SPATA17: variants seen among roughly 807,000 people sequenced by gnomAD.
SPATA17 encodes the protein spermatogenesis-associated protein 17.
A neutral mutation model predicts 62.2 loss-of-function variants in SPATA17; 53 were observed. The observed-to-expected ratio is 0.85, with a 90% confidence interval of 0.68 to 1.07. The LOEUF is 1.07. SPATA17 is among the 50% of genes least tolerant of loss of function. SPATA17 has a pLI of 0.00. For missense variants in SPATA17, 466 were observed against 425.5 expected (o/e 1.10, Z -0.84); for synonymous variants, 146 against 146.8 (o/e 0.99, Z 0.04).
intron 5 of SPATA17, among the ~76,000 whole-genome samples, chr1:217,704,230 CTTT>C (rs560591615): frequency 9.6e-5 from 4 of 41,692 alleles, no homozygotes; most frequent in Admixed American, 4.1e-4. Context: ...TTCCCTCTAC[CTTT>C]TTTTTTTTTT....
intron 8 of SPATA17, among the ~76,000 whole-genome samples, chr1:217,798,801 G>A (rs907290512): frequency 1.5e-5 from 2 of 130,392 alleles, no homozygotes; most frequent in Middle Eastern, 3.9e-3. Flanking sequence ...AAGACAATAC[G>A]AAACTGCTGA....
chr1:217,807,592 G>C (rs534028025), intron 9 of SPATA17, among the ~76,000 whole-genome samples: 1 of 151,904 alleles, frequency 6.6e-6, no homozygotes, highest in Non-Finnish European at 1.5e-5. Flanking sequence ...TTTTGGCTTA[G>C]AGTAAAACTT....
intron 10 of SPATA17, among the ~76,000 whole-genome samples, chr1:217,863,657 G>A (rs1448743532): frequency 6.6e-6 from 1 of 152,072 alleles, no homozygotes. Context: ...TAAGAATAAA[G>A]AGAACCATAT....
chr1:217,642,258 G>A (rs2102877805), intron 1 of SPATA17, among the ~76,000 whole-genome samples: 1 of 152,174 alleles, frequency 6.6e-6, no homozygotes. Context: ...TTTTTAAAAA[G>A]CAGATCATTT....
intron 5 of SPATA17, among the ~76,000 whole-genome samples, chr1:217,733,976 G>A (rs553167097): frequency 8.1e-4 from 124 of 152,246 alleles, no homozygotes; most frequent in Non-Finnish European, 1.2e-3. Flanking sequence ...TACAGATCCG[G>A]GGAGTAGGTA....
At chr1:217,656,430 T>G (rs965122777) in intron 3 of SPATA17, among the ~76,000 whole-genome samples, 1 of 151,472 alleles carries the variant, frequency 6.6e-6, no homozygotes, top group African/African-American at 2.4e-5. Flanking sequence ...TTGGATCTAA[T>G]TTTTTTTTGC....
rs561593528 is a variant in SPATA17, at chr1:217,681,749, T to C, written c.292-1509T>C. On this transcript the variant is annotated intron_variant, in intron 4 of 10. Transcript: ENST00000366933. ...TTATAAATGACCTTTTAAATGGCCA[T>C]GTTTTAAAACAGAGAAAAATAATCA... is the stretch of plus-strand genomic sequence containing the variant. Among the ~76,000 whole-genome samples, 47 of 152,274 alleles carry C rather than the reference T, an allele frequency of 3.1e-4. No individual in the cohort carries two copies. The Middle Eastern group carries it at 0.01, about 33-fold the overall frequency.
chr1:217,785,201 G>C (rs577965105), intron 8 of SPATA17: 1 of 152,242 alleles, frequency 6.6e-6, no homozygotes, highest in Admixed American at 6.5e-5. Flanking sequence ...ATACATATTA[G>C]AGTAGGTGCT....
At chr1:217,834,496 G>C (rs1407313956) in intron 9 of SPATA17, among the ~76,000 whole-genome samples, 1 of 152,078 alleles carries the variant, frequency 6.6e-6, no homozygotes, top group Non-Finnish European at 1.5e-5. Context: ...TCATGACCCT[G>C]TGTAGGCCTA....
In SPATA17 at chr1:217,871,601, A is replaced by C. The variant is rs1207000116; in HGVS notation, c.*4582A>C. 6.6e-6 allele frequency: 1 copy of C among 152,158 alleles called. No homozygotes were observed. The highest frequency in any genetic ancestry group is 1.5e-5 in the Non-Finnish European group (1 of 68,036). 9.4% of individuals were successfully genotyped at this position (152,158 alleles called of 1,614,324 possible). ...AACCACTGTGCAAAGCATTAGGATA[A>C]ATTTTTATTGAAAATTGAGTGAATG... On this transcript the variant is annotated 3_prime_UTR_variant, in exon 11 of 11. Transcript: ENST00000366933.
At chr1:217,753,431 G>T (rs955769816) in intron 6 of SPATA17, among the ~76,000 whole-genome samples, 4 of 151,784 alleles carry the variant, frequency 2.6e-5, no homozygotes, top group African/African-American at 4.8e-5. Context: ...TTTCTTTAAA[G>T]CTGAAGCACC....
At chr1:217,711,924 A>C (rs148291638) in intron 5 of SPATA17, among the ~76,000 whole-genome samples, 70 of 152,266 alleles carry the variant, frequency 4.6e-4, no homozygotes, top group Non-Finnish European at 8.4e-4. Context: ...ATTCTCAGTT[A>C]CTGGCTGGAA....
At chr1:217,730,294 T>A (rs2102940660) in intron 5 of SPATA17, among the ~76,000 whole-genome samples, 1 of 151,794 alleles carries the variant, frequency 6.6e-6, no homozygotes, top group African/African-American at 2.4e-5. Flanking sequence ...CTCGGCTCAC[T>A]GCAACCTCTG....
intron 9 of SPATA17, among the ~76,000 whole-genome samples, chr1:217,831,728 G>A (rs976831825): frequency 6.6e-6 from 1 of 152,088 alleles, no homozygotes; most frequent in African/African-American, 2.4e-5. Flanking sequence ...AAGACTGGAA[G>A]CATGTCTGTC....
chr1:217,776,888 C>A (rs1673608452), intron 7 of SPATA17, among the ~76,000 whole-genome samples: 1 of 151,896 alleles, frequency 6.6e-6, no homozygotes, highest in Non-Finnish European at 1.5e-5. Context: ...GGTGAGTGAT[C>A]CTAGGGAGAG....
At position 217,742,237 on chromosome 1, in the gene SPATA17, C is replaced by T. The variant is rs951685706; in HGVS notation, c.519+139C>T. ...CTACTTCGAGTTCAATTTCGTGCTTCTGTGTAGGTGCGCGCAGGCACCATG... is the reference window on the plus strand; with the variant it reads ...CTACTTCGAGTTCAATTTCGTGCTTTTGTGTAGGTGCGCGCAGGCACCATG... On this transcript the variant is annotated intron_variant, in intron 6 of 10. Coordinates refer to ENST00000366933, the MANE Select transcript of SPATA17 (RefSeq NM_138796.4). The T allele has an allele frequency of 1.1e-5, 13 of 1,149,942 alleles. No homozygotes were observed. In the Admixed American group the frequency reaches 1.6e-4, roughly 14 times the overall value. The allele number at this position is 1,149,942 out of a possible 1,614,324, so 71.2% of individuals were successfully genotyped here.
chr1:217,723,885 C>T (rs1672197565), intron 5 of SPATA17, among the ~76,000 whole-genome samples: 1 of 152,218 alleles, frequency 6.6e-6, no homozygotes, highest in Non-Finnish European at 1.5e-5. Context: ...TAAGCAGACA[C>T]TTCCTCTCTG....
Position 217,867,261 on chromosome 1 carries a change from G to A in SPATA17, c.*242G>A, listed in dbSNP as rs1676033977. On this transcript the variant is annotated 3_prime_UTR_variant, in exon 11 of 11. Coordinates refer to ENST00000366933, the MANE Select transcript of SPATA17 (RefSeq NM_138796.4). Reference sequence around the variant, plus strand: ...TCTGAGAATGTCTGTCACAATCACAGCCCCTGGTGACCAACAGTGCCATAA... The same window carrying A: ...TCTGAGAATGTCTGTCACAATCACAACCCCTGGTGACCAACAGTGCCATAA... 1 of 152,074 alleles carries A rather than the reference G, an allele frequency of 6.6e-6. No individual in the cohort carries two copies. The highest frequency in any genetic ancestry group is 2.4e-5 in the African/African-American group (1 of 41,406). The allele number at this position is 152,074 out of a possible 1,614,324, so 9.4% of individuals were successfully genotyped here.
chr1:217,712,395 G>T (rs1671895147), intron 5 of SPATA17, among the ~76,000 whole-genome samples: 1 of 151,894 alleles, frequency 6.6e-6, no homozygotes, highest in Non-Finnish European at 1.5e-5. Context: ...CAAAGCGCTG[G>T]GATTACAGGC....
Sources: allele counts gnomAD v4.1 joint callset (sites outside exome capture counted in the v4.1 genomes callset), GRCh38; gene constraint gnomAD v4.1.1; transcripts MANE v1.5; gene names NCBI Gene and HGNC (gene_info 2026-07-23, HGNC 2026-07-21).